DHX16: variants seen among roughly 807,000 people sequenced by gnomAD.
DHX16 encodes pre-mRNA-splicing factor ATP-dependent RNA helicase DHX16.
Under a neutral mutation model 131.2 loss-of-function variants are expected in DHX16, and 81 were observed. The ratio of observed to expected loss-of-function variants is 0.62; its 90% confidence interval spans 0.52 to 0.74. The LOEUF (loss-of-function observed/expected upper bound fraction) is 0.74, where lower values mean the gene tolerates loss of function less well. Among genes scored for constraint, DHX16 ranks in the 30% least tolerant of loss-of-function variants. The pLI is 0.00. For missense variants in DHX16, 980 were observed against 1,363.1 expected (o/e 0.72, Z 4.43); for synonymous variants, 440 against 520.2 (o/e 0.85, Z 2.10).
At chr6:30,669,416 G>GATAATTTATTT (rs1561998038) in intron 4 of DHX16, among the ~76,000 whole-genome samples, 1 of 151,734 alleles carries the variant, frequency 6.6e-6, no homozygotes, top group African/African-American at 2.4e-5. Flanking sequence ...AACAGAGTGA[G>GATAATTTATTT]ACTCCATCTC....
In DHX16 at chr6:30,662,636, G is replaced by A. The variant is rs1489590051; in HGVS notation, c.1535C>T (p.Ala512Val). The A allele has an allele frequency of 5.0e-6, 8 of 1,612,444 alleles. No individual in the cohort carries two copies. The highest frequency in any genetic ancestry group is 4.4e-5 in the South Asian group (4 of 91,072). Residue 512 changes from alanine to valine, a missense_variant, in exon 9 of 20, where the codon GCG becomes GTG. Ala to Val is a moderately conservative substitution (Grantham distance 64). Coordinates refer to ENST00000376442, the MANE Select transcript of DHX16 (RefSeq NM_003587.5). The surrounding 1 kb of genome is among the most constrained non-coding windows in gnomAD (Gnocchi z 4.7). Reference sequence around the variant, plus strand: ...CAGAGATTAGAGATACCTGTAACTCGCCAGGTCAGGCTCAGAGAGGAACTC... The same window carrying A: ...CAGAGATTAGAGATACCTGTAACTCACCAGGTCAGGCTCAGAGAGGAACTC... ...LREFLSEPDL[A>V]SYSVVMVDEA...
chr6:30,671,054 T>A lies in DHX16; in HGVS notation c.428A>T (p.Lys143Ile), dbSNP rs146739908. The part of the protein sequence containing the change: ...EEEEEEEASE[K>I]GKKKTGGSKQ... The stretch of plus-strand genomic sequence containing the variant: ...GACTTACCCTGTTTTCTTCTTCCCT[T>A]TCTCAGAAGCCTCTTCCTCCTCTTC... Residue 143 changes from lysine (K) to isoleucine (I), a missense_variant, in exon 2 of 20, where the codon AAA becomes ATA. Physicochemically the swap from Lys to Ile is moderately radical, Grantham distance 102. Around this residue, in one of 3 missense-constraint regions of DHX16, gnomAD observed 457 missense variants for 554.8 expected, o/e 0.82. Transcript: ENST00000376442. The A allele has an allele frequency of 1.1e-3, 1,745 of 1,613,080 alleles. 37 individuals carry two copies. The Admixed American group carries it at 0.028, about 26-fold the overall frequency.
intron 9 of DHX16, chr6:30,660,587 T>C: frequency 4.1e-6 from 1 of 241,080 alleles, no homozygotes; most frequent in Admixed American, 5.5e-5. Flanking sequence ...AGTTGAAGGA[T>C]ATGTTTTAGG....
intron 19 of DHX16, among the ~76,000 whole-genome samples, 165 bp from the exon 20 acceptor site, chr6:30,653,535 G>A (rs1466795678): frequency 6.6e-6 from 1 of 151,364 alleles, no homozygotes; most frequent in Admixed American, 6.6e-5. Context: ...AGCCTCCCAA[G>A]TAGCTGAGAC....
In DHX16 at chr6:30,659,471, C is replaced by A. The variant is rs921014882; in HGVS notation, c.2007+1G>T. 24 of 1,586,216 alleles carry A rather than the reference C, an allele frequency of 1.5e-5. No individual in the cohort carries two copies. In the African/African-American group the frequency reaches 3.1e-4, roughly 20 times the overall value. On this transcript the variant is annotated splice_donor_variant, in intron 12 of 19. Coordinates refer to ENST00000376442, the MANE Select transcript of DHX16 (RefSeq NM_003587.5). LOFTEE classifies it high-confidence loss of function. ...GAAGAGTGTGGGTTTCTCCAACTGACCTTTCGTGCCCCAGGTGGTGTGGGC... is the reference window on the plus strand; with the variant it reads ...GAAGAGTGTGGGTTTCTCCAACTGAACTTTCGTGCCCCAGGTGGTGTGGGC...
rs780732835 is a variant in DHX16 at position 30,670,514 on chromosome 6, A to G, written c.610-48T>C. ...AGGGGTGTGAGGCCAAAGAGCCCCC[A>G]CACTGACAGCTGCTCCCCTCTAGAA... On this transcript the variant is annotated intron_variant, in intron 3 of 19. Transcript: ENST00000376442. This position sits in a 1 kb window ranked among gnomAD's most constrained non-coding sequence, Gnocchi z 4.4. 2 of 1,574,162 alleles carry G rather than the reference A, an allele frequency of 1.3e-6. No homozygotes were observed. The highest frequency in any genetic ancestry group is 2.7e-5 in the African/African-American group (2 of 73,830).
intron 4 of DHX16, among the ~76,000 whole-genome samples, chr6:30,669,057 A>G (rs1336880079): frequency 6.6e-6 from 1 of 151,962 alleles, no homozygotes; most frequent in Non-Finnish European, 1.5e-5. Context: ...GTGAGCCAAG[A>G]TCACGCCACT....
chr6:30,654,665 A>G (rs770177728), intron 19 of DHX16, 41 bp downstream of exon 19: 10 of 1,575,142 alleles, frequency 6.3e-6, no homozygotes, highest in African/African-American at 1.3e-5. Flanking sequence ...CCATCTCTCT[A>G]CATAGTCTCC....
In DHX16 at chr6:30,671,294, T is replaced by C. The variant is rs773411521; in HGVS notation, c.208-20A>G. On this transcript the variant is annotated intron_variant, in intron 1 of 19. Transcript: ENST00000376442. Reference sequence around the variant, plus strand: ...TGGTACCTGTCAGTAGAGGGGAAGATAAGGAGGTCTGAGCAACTCCTGATC... The same window carrying C: ...TGGTACCTGTCAGTAGAGGGGAAGACAAGGAGGTCTGAGCAACTCCTGATC... The C allele has an allele frequency of 1.2e-6, 2 of 1,608,764 alleles. No homozygotes were observed. Among genetic ancestry groups the C allele is most frequent in the Non-Finnish European group, 1.7e-6 (2 of 1,177,040 alleles).
At chr6:30,653,469 A>G (rs1011974839) in intron 19 of DHX16, 99 bp from the exon 20 acceptor site, 6 of 1,382,218 alleles carry the variant, frequency 4.3e-6, no homozygotes, top group East Asian at 5.0e-5. Flanking sequence ...GTCTTGCTCT[A>G]TTGCCCAGGC....
At chr6:30,659,363 C>T (rs1295670967) in intron 12 of DHX16, 109 bp downstream of exon 12, 3 of 1,207,504 alleles carry the variant, frequency 2.5e-6, no homozygotes, top group Non-Finnish European at 3.5e-6. Flanking sequence ...TGCTCCTCAG[C>T]TGTGTGCAGC....
At position 30,656,780 on chromosome 6, in the gene DHX16, G is replaced by A. The variant is rs564914976; in HGVS notation, c.2149-21C>T. On this transcript the variant is annotated intron_variant, in intron 13 of 19. Transcript: ENST00000376442. This position sits in a 1 kb window ranked among gnomAD's most constrained non-coding sequence, Gnocchi z 5.1. ...GAGGCCTGGAAAGAAAGGGGAACAG[G>A]CTGGCTGACAATTTGGTCAGGGAAA... 3 of 1,610,662 alleles carry A rather than the reference G, an allele frequency of 1.9e-6. No individual in the cohort carries two copies. The highest frequency in any genetic ancestry group is 2.5e-6 in the Non-Finnish European group (3 of 1,179,748).
Position 30,665,692 on chromosome 6 carries a change from A to G in DHX16, c.708T>C (p.Ala236=). ...LRKKSRREYL[A]KREREKLEDL... ...CCTCAAGCTTCTCTCGCTCCCGCTT[A>G]GCCAGGTACTCTCGGCGAGATTTCT... Residue 236 remains alanine, a synonymous_variant, in exon 5 of 20, where the codon GCT becomes GCC. Transcript: ENST00000376442. The surrounding 1 kb of genome is among the most constrained non-coding windows in gnomAD (Gnocchi z 4.8). The G allele has an allele frequency of 6.2e-7, 1 of 1,612,104 alleles. No individual in the cohort carries two copies. Among genetic ancestry groups the G allele is most frequent in the Non-Finnish European group, 8.5e-7 (1 of 1,180,026 alleles).
At position 30,659,452 on chromosome 6, in the gene DHX16, T is replaced by C. The variant is rs1251582837; in HGVS notation, c.2007+20A>G. 1.9e-6 allele frequency: 3 copies of C among 1,571,512 alleles called. No individual in the cohort carries two copies. The highest frequency in any genetic ancestry group is 8.6e-7 in the Non-Finnish European group (1 of 1,158,740). ...TTGTGGGAAGCATAGGGGTGAAGAG[T>C]GTGGGTTTCTCCAACTGACCTTTCG... On this transcript the variant is annotated intron_variant, in intron 12 of 19. Transcript: ENST00000376442.
In DHX16 at chr6:30,671,241, G is replaced by A. The variant is rs745365589; in HGVS notation, c.241C>T (p.Arg81Trp). 1.6e-5 allele frequency: 26 copies of A among 1,612,970 alleles called. No homozygotes were observed. Among genetic ancestry groups the A allele is most frequent in the Non-Finnish European group, 1.9e-5 (22 of 1,180,012 alleles). ...GCCCGGGCCTCTCGCTCTGCTGCCC[G>A]AGCTGGCTTTTCTACCACTGCCTTT... ...PRKAVVEKPA[R>W]AAEREARALL... Residue 81 changes from arginine (R) to tryptophan (W), a missense_variant, in exon 2 of 20, where the codon CGG becomes TGG. Arg to Trp is a moderately radical substitution (Grantham distance 101). Around this residue, in one of 3 missense-constraint regions of DHX16, gnomAD observed 457 missense variants for 554.8 expected, o/e 0.82. Transcript: ENST00000376442.
intron 9 of DHX16, chr6:30,660,451 TC>T (rs1768405845): frequency 2.3e-6 from 1 of 438,948 alleles, no homozygotes; most frequent in African/African-American, 2.0e-5. Context: ...CTGCAACCTA[TC>T]CCAGCCTCAG....
At chr6:30,671,776 G>A (rs1769581783) in intron 1 of DHX16, among the ~76,000 whole-genome samples, 4 of 151,606 alleles carry the variant, frequency 2.6e-5, no homozygotes, top group Admixed American at 2.6e-4. Flanking sequence ...TGTCCCTCTT[G>A]GGCTCAAGGG....
Position 30,656,258 on chromosome 6 carries a change from C to T in DHX16, c.2438G>A (p.Arg813Gln). The part of the protein sequence containing the change: ...NHLGELTTSG[R>Q]KMAELPVDPM... ...GTCCACCGGCAGCTCTGCCATCTTT[C>T]GACCAGACTAAGGAGAAGAGAGAGA... Residue 813 changes from arginine to glutamine, a missense_variant, in exon 16 of 20, where the codon CGA becomes CAA. Arg to Gln is a conservative substitution (Grantham distance 43, BLOSUM62 1). This residue lies in a region of DHX16 where 309 missense variants were observed against 537.1 expected (regional missense o/e 0.58). Transcript: ENST00000376442. The surrounding 1 kb of genome is among the most constrained non-coding windows in gnomAD (Gnocchi z 5.1). 4.3e-6 allele frequency: 7 copies of T among 1,613,776 alleles called. No individual in the cohort carries two copies. Among genetic ancestry groups the T allele is most frequent in the Non-Finnish European group, 5.1e-6 (6 of 1,180,006 alleles).
In DHX16 at chr6:30,655,542, A is replaced by G. The variant is rs1767900485; in HGVS notation, c.2554T>C (p.Ser852Pro). ...TVAAMLSVNN[S>P]IFYRPKDKVV... ...TTGTCCTTTGGTCGGTAGAAGATGGAGTTGTTGACAGAGAGCATGGCAGCC... is the reference window on the plus strand; with the variant it reads ...TTGTCCTTTGGTCGGTAGAAGATGGGGTTGTTGACAGAGAGCATGGCAGCC... Residue 852 changes from serine to proline, a missense_variant, in exon 17 of 20, where the codon TCC becomes CCC. This residue lies in a region of DHX16 where 214 missense variants were observed against 271.2 expected (regional missense o/e 0.79). Transcript: ENST00000376442. The G allele has an allele frequency of 6.2e-7, 1 of 1,612,910 alleles. No individual in the cohort carries two copies. Among genetic ancestry groups the G allele is most frequent in the Non-Finnish European group, 8.5e-7 (1 of 1,180,030 alleles).
Sources: gnomAD v4.1 joint callset for allele counts (sites outside exome capture counted in the v4.1 genomes callset) on GRCh38, gnomAD v4.1.1 for gene constraint, gnomAD v4.1.1 regional missense constraint, Gnocchi (gnomAD v3.1) non-coding constraint, MANE v1.5 for transcripts, NCBI Gene and HGNC (gene_info 2026-07-23, HGNC 2026-07-21) for gene names.